The following TTN variants were observed in gnomAD, a reference collection of about 807,000 sequenced individuals.
TTN encodes titin, also known as connectin.
Under a neutral mutation model 3,223.0 loss-of-function variants are expected in TTN, and 1,525 were observed. That is an observed-to-expected ratio of 0.47 (90% confidence interval 0.45 to 0.49). TTN has a LOEUF of 0.49. Ranked by LOEUF, TTN falls within the 20% of genes least tolerant of loss-of-function variation. The pLI, the probability that TTN is intolerant of heterozygous loss-of-function variation, is 0.00. For synonymous variants in TTN, 14,094 were observed against 15,161.0 expected (o/e 0.93, Z 5.17); for missense variants, 40,786 against 43,424.0 (o/e 0.94, Z 5.40).
rs2076397255 is a variant in TTN, at chr2:178,709,840, T to C, written c.28479A>G (p.Pro9493=). The C allele has an allele frequency of 1.9e-6, 3 of 1,611,902 alleles. No individual in the cohort carries two copies. Among genetic ancestry groups the C allele is most frequent in the Non-Finnish European group, 2.5e-6 (3 of 1,178,768 alleles). ...TCTCTGAGAGTCTTTTAGTGAAACTTGGTGGGATGAGCCGCTCTATAAGAA... is the reference window on the plus strand; with the variant it reads ...TCTCTGAGAGTCTTTTAGTGAAACTCGGTGGGATGAGCCGCTCTATAAGAA... ...QLNIKERLIP[P]SFTKRLSETV... The change falls in exon 99 of 363, where the codon CCA becomes CCG. Residue 9493 remains proline, a synonymous_variant. Transcript: ENST00000589042.
Position 178,731,389 on chromosome 2 carries a change from C to T in TTN, c.17377G>A (p.Glu5793Lys), listed in dbSNP as rs1287275902. ...NVASLYLSGIEVKHDGKYVCQ... is the reference protein window; with the variant it reads ...NVASLYLSGIKVKHDGKYVCQ... The stretch of plus-strand genomic sequence containing the variant: ...ACATATTTCCCATCATGCTTGACTT[C>T]AATGCCACTGAGGTACAAACTGGCC... Residue 5793 changes from glutamate (E) to lysine (K), a missense_variant, in exon 59 of 363, where the codon GAA becomes AAA. By Grantham distance (56) the Glu-to-Lys change is moderately conservative. Coordinates refer to ENST00000589042, the MANE Select transcript of TTN (RefSeq NM_001267550.2). 16 of 1,613,792 alleles carry T rather than the reference C, an allele frequency of 9.9e-6. No homozygotes were observed. The highest frequency in any genetic ancestry group is 1.3e-5 in the African/African-American group (1 of 75,012).
At position 178,768,115 on chromosome 2, in the gene TTN, C is replaced by G. The variant is rs772683836; in HGVS notation, c.9204G>C (p.Lys3068Asn). Reference sequence around the variant, plus strand: ...ACATGGCTCGCTTCTTCTCCAGTACCTTAATGTCCTTAATGTGTTTCCTAA... The same window carrying G: ...ACATGGCTCGCTTCTTCTCCAGTACGTTAATGTCCTTAATGTGTTTCCTAA... ...IEFRKHIKDI[K>N]VLEKKRAMFE... Residue 3068 changes from lysine to asparagine, a missense_variant, in exon 39 of 363, where the codon AAG becomes AAC. Coordinates refer to ENST00000589042, the MANE Select transcript of TTN (RefSeq NM_001267550.2). 3.1e-6 allele frequency: 5 copies of G among 1,614,048 alleles called. No homozygotes were observed. In the South Asian group the frequency reaches 3.3e-5, roughly 11 times the overall value.
In TTN at chr2:178,530,909, A is replaced by T; in HGVS notation, c.105706T>A (p.Ser35236Thr). ...KAVTSPPRVK[S>T]PEPRVKSPEA... ...GGGGATTTCACCCGAGGCTCTGGGGATTTGACTCTTGGTGGTGATGTCACA... is the reference window on the plus strand; with the variant it reads ...GGGGATTTCACCCGAGGCTCTGGGGTTTTGACTCTTGGTGGTGATGTCACA... The change falls in exon 358 of 363, where the codon TCC becomes ACC. Residue 35236 changes from serine (S) to threonine (T), a missense_variant. Ser to Thr is a moderately conservative substitution (Grantham distance 58). Coordinates refer to ENST00000589042, the MANE Select transcript of TTN (RefSeq NM_001267550.2). 1 of 1,613,682 alleles carries T rather than the reference A, an allele frequency of 6.2e-7. No homozygotes were observed. Among genetic ancestry groups the T allele is most frequent in the Non-Finnish European group, 8.5e-7 (1 of 1,179,820 alleles).
Position 178,577,452 on chromosome 2 carries a change from C to G in TTN, c.68883G>C (p.Gly22961=). ...TAATGGCATTCAAAACAATGGTATC[C>G]CCTGCTTTAATTGTTAGCCCATCTT... ...TIKDGLTIKA[G]DTIVLNAISI... Residue 22961 remains glycine (G), a synonymous_variant, in exon 324 of 363, where the codon GGG becomes GGC. Coordinates refer to ENST00000589042, the MANE Select transcript of TTN (RefSeq NM_001267550.2). 1 of 1,604,024 alleles carries G rather than the reference C, an allele frequency of 6.2e-7. No individual in the cohort carries two copies. The highest frequency in any genetic ancestry group is 1.3e-5 in the African/African-American group (1 of 74,780).
rs727504440 is a variant in TTN at position 178,681,454 on chromosome 2, C to T, written c.33173-4G>A. 87 of 1,601,270 alleles carry T rather than the reference C, an allele frequency of 5.4e-5. No individual in the cohort carries two copies. The highest frequency in any genetic ancestry group is 7.1e-5 in the Non-Finnish European group (83 of 1,175,688). ...TCAGGGACAGCTTTCTTCAGCACTT[C>T]AAAATATCAATATTAAGAGATTTTA... On this transcript the variant is annotated splice_polypyrimidine_tract_variant and splice_region_variant and intron_variant, in intron 136 of 362. Coordinates refer to ENST00000589042, the MANE Select transcript of TTN (RefSeq NM_001267550.2).
chr2:178,594,019 A>C lies in TTN; in HGVS notation c.58374T>G (p.Cys19458Trp), dbSNP rs777855018. The C allele has an allele frequency of 6.2e-7, 1 of 1,613,578 alleles. No individual in the cohort carries two copies. Residue 19458 changes from cysteine (C) to tryptophan (W), a missense_variant, in exon 297 of 363, where the codon TGT becomes TGG. Transcript: ENST00000589042. ...KAKRSDSGKY[C>W]VVVENSTGSR... ...AGCCTGTACTGTTCTCCACAACCAC[A>C]CAGTATTTGCCGGAATCTGAACGTT...
In TTN at chr2:178,566,654, T is replaced by C; in HGVS notation, c.79478A>G (p.Asn26493Ser). ...TTTAGTGGTGTCTACAATGTGTGCA[T>C]TGGTAGGTGGGCCAGGTTTGAACAC... ...DPVFKPGPPT[N>S]AHIVDTTKNS... Residue 26493 changes from asparagine to serine, a missense_variant, in exon 326 of 363, where the codon AAT becomes AGT. By Grantham distance (46) the Asn-to-Ser change is conservative (BLOSUM62 1). Transcript: ENST00000589042. 6.2e-7 allele frequency: 1 copy of C among 1,613,038 alleles called. No individual in the cohort carries two copies. Among genetic ancestry groups the C allele is most frequent in the Non-Finnish European group, 8.5e-7 (1 of 1,179,666 alleles).
At chr2:178,749,695 G>A (rs2084853863) in intron 47 of TTN, 1 of 1,612,948 alleles carries the variant, frequency 6.2e-7, no homozygotes, top group Non-Finnish European at 8.5e-7. Flanking sequence ...CCCCTGAATT[G>A]TTTTCAGCAA....
rs1359097374 is a variant in TTN, at chr2:178,572,683, C to A, written c.73449G>T (p.Leu24483=). 32 of 1,612,980 alleles carry A rather than the reference C, an allele frequency of 2.0e-5. No individual in the cohort carries two copies. Among genetic ancestry groups the A allele is most frequent in the Non-Finnish European group, 2.6e-5 (31 of 1,179,424 alleles). ...ATCTGTTTACATTTCCAACAATAAGCAGGGTGTAAGAGCTTGTGGATTCGA... is the reference window on the plus strand; with the variant it reads ...ATCTGTTTACATTTCCAACAATAAGAAGGGTGTAAGAGCTTGTGGATTCGA... ...ASIESTSSYT[L]LIVGNVNRFD... The change falls in exon 326 of 363, where the codon CTG becomes CTT. Residue 24483 remains leucine, a synonymous_variant. Coordinates refer to ENST00000589042, the MANE Select transcript of TTN (RefSeq NM_001267550.2).
chr2:178,543,875 T>C lies in TTN; in HGVS notation c.96269A>G (p.Gln32090Arg), dbSNP rs1205947497. ...GACTGTTGCTGATTTCTTGCCAGAT[T>C]GGTTTTCAGCTTCAATTGTGTATTT... ...AGKYTIEAENQSGKKSATVLV... is the reference protein window; with the variant it reads ...AGKYTIEAENRSGKKSATVLV... The change falls in exon 346 of 363, where the codon CAA becomes CGA. Residue 32090 changes from glutamine to arginine, a missense_variant. Gln to Arg is a conservative substitution (Grantham distance 43, BLOSUM62 1). Coordinates refer to ENST00000589042, the MANE Select transcript of TTN (RefSeq NM_001267550.2). 1.2e-6 allele frequency: 2 copies of C among 1,613,614 alleles called. No homozygotes were observed. Among genetic ancestry groups the C allele is most frequent in the African/African-American group, 2.7e-5 (2 of 74,904 alleles).
chr2:178,672,001 C>A lies in TTN; in HGVS notation c.35197G>T (p.Val11733Leu). The change falls in exon 155 of 363, where the codon GTA becomes TTA. Residue 11733 changes from valine (V) to leucine (L), a missense_variant. Physicochemically the swap from Val to Leu is conservative, Grantham distance 32. Transcript: ENST00000589042. ...GGTGGAGCTTTTGGTTTTTCAAATA[C>A]TTCCACTTCTTCAGCCTCAAAAACT... Reference protein sequence around the residue: ...IEVFEAEEVEVFEKPKAPPKG... With the variant: ...IEVFEAEEVELFEKPKAPPKG... 1.2e-6 allele frequency: 2 copies of A among 1,604,786 alleles called. No individual in the cohort carries two copies. The highest frequency in any genetic ancestry group is 1.7e-6 in the Non-Finnish European group (2 of 1,177,434).
intron 47 of TTN, chr2:178,749,058 C>A (rs761310441): frequency 6.2e-7 from 1 of 1,612,800 alleles, no homozygotes; most frequent in South Asian, 1.1e-5. Flanking sequence ...TAGTGTATCT[C>A]TTCACCAAGG....
intron 250 of TTN, chr2:178,619,187 A>T (rs1044316979): frequency 1.6e-5 from 6 of 370,694 alleles, no homozygotes; most frequent in Admixed American, 9.1e-5. Context: ...TAGTTCAATA[A>T]ATCAGAGAAA....
intron 112 of TTN, 46 bp from the exon 113 acceptor site, chr2:178,697,214 A>ATTAT: frequency 7.0e-7 from 1 of 1,422,008 alleles, no homozygotes; most frequent in Non-Finnish European, 9.4e-7. Context: ...TTTAGATTAC[A>ATTAT]TTATTATTAA....
chr2:178,722,999 C>T, intron 75 of TTN, 47 bp downstream of exon 75: 1 of 1,601,162 alleles, frequency 6.2e-7, no homozygotes, highest in Non-Finnish European at 8.5e-7. Context: ...AACTATGCTA[C>T]ATGTTAGAAG....
At position 178,727,629 on chromosome 2, in the gene TTN, T is replaced by G. The variant is rs751222632; in HGVS notation, c.19949A>C (p.Asn6650Thr). 1 of 1,599,644 alleles carries G rather than the reference T, an allele frequency of 6.3e-7. No individual in the cohort carries two copies. The highest frequency in any genetic ancestry group is 1.7e-5 in the Admixed American group (1 of 57,614). Residue 6650 changes from asparagine (N) to threonine (T), a missense_variant, in exon 68 of 363, where the codon AAT (asparagine) becomes ACT (threonine). Coordinates refer to ENST00000589042, the MANE Select transcript of TTN (RefSeq NM_001267550.2). ...AGTACAAGAGTCGCTACCAACATCATTGGTAACATGGCAAGTATACTGTCC... is the reference window on the plus strand; with the variant it reads ...AGTACAAGAGTCGCTACCAACATCAGTGGTAACATGGCAAGTATACTGTCC... ...KTGQYTCHVT[N>T]DVGSDSCTTM...
rs1033810164 is a variant in TTN, at chr2:178,741,792, T to C, written c.11441A>G (p.Glu3814Gly). The change falls in exon 48 of 363, where the codon GAA becomes GGA. Residue 3814 changes from glutamate to glycine, a missense_variant. By Grantham distance (98) the Glu-to-Gly change is moderately conservative. Coordinates refer to ENST00000589042, the MANE Select transcript of TTN (RefSeq NM_001267550.2). ...SPVYPTKFDSEKEGTGPIFIK... is the reference protein window; with the variant it reads ...SPVYPTKFDSGKEGTGPIFIK... The stretch of plus-strand genomic sequence containing the variant: ...GAAAATTGGGCCAGTGCCTTCCTTT[T>C]CGGAATCAAATTTAGTTGGGTAAAC... 1.2e-6 allele frequency: 2 copies of C among 1,613,266 alleles called. No homozygotes were observed. Among genetic ancestry groups the C allele is most frequent in the African/African-American group, 1.3e-5 (1 of 74,890 alleles).
chr2:178,570,110 A>G lies in TTN; in HGVS notation c.76022T>C (p.Leu25341Pro). The change falls in exon 326 of 363, where the codon CTT (leucine) becomes CCT (proline). Residue 25341 changes from leucine (L) to proline (P), a missense_variant. Physicochemically the swap from Leu to Pro is moderately conservative, Grantham distance 98. Coordinates refer to ENST00000589042, the MANE Select transcript of TTN (RefSeq NM_001267550.2). ...AATGCCTTCTTTATCCCGTTTCTCA[A>G]GAACATATCCAAGAATTTCACTACC... ...DGGSEILGYV[L>P]EKRDKEGIRW... is the part of the protein sequence containing the mutation. 6.2e-7 allele frequency: 1 copy of G among 1,613,440 alleles called. No individual in the cohort carries two copies. Among genetic ancestry groups the G allele is most frequent in the Non-Finnish European group, 8.5e-7 (1 of 1,179,580 alleles).
Position 178,696,054 on chromosome 2 carries a change from C to A in TTN, c.31018G>T (p.Glu10340Ter). 1 of 1,551,040 alleles carries A rather than the reference C, an allele frequency of 6.4e-7. No individual in the cohort carries two copies. The highest frequency in any genetic ancestry group is 8.7e-7 in the Non-Finnish European group (1 of 1,146,652). ...ATCTCTTCATAGTCTTCATCTGGTT[C>A]TTCATAATAAGGTTGTTCAAATGGC... ...TEPFEQPYYEEPDEDYEEIKV... is the reference protein window; with the variant it reads ...TEPFEQPYYE The change falls in exon 114 of 363, where the codon GAA becomes TAA. Residue 10340 changes from glutamate to a stop codon, truncating the protein, a stop_gained. Coordinates refer to ENST00000589042, the MANE Select transcript of TTN (RefSeq NM_001267550.2). LOFTEE classifies it high-confidence loss of function.
Sources: gnomAD v4.1 joint callset for allele counts on GRCh38, gnomAD v4.1.1 for gene constraint, MANE v1.5 for transcripts, NCBI Gene and HGNC (gene_info 2026-07-23, HGNC 2026-07-21) for gene names.